Variants in CDKL1 observed in about 807,000 individuals in gnomAD.
CDKL1 encodes cyclin dependent kinase like 1.
Under a neutral mutation model 42.0 loss-of-function variants are expected in CDKL1, and 41 were observed. The ratio of observed to expected loss-of-function variants is 0.98; its 90% confidence interval spans 0.76 to 1.27. The LOEUF (loss-of-function observed/expected upper bound fraction) is 1.27, where lower values mean the gene tolerates loss of function less well. Among genes scored for constraint, CDKL1 ranks in the 50% most tolerant of loss-of-function variants. CDKL1 has a pLI of 0.00. For missense variants in CDKL1, 394 were observed against 428.4 expected, an observed-to-expected ratio of 0.92 and a Z score of 0.71; for synonymous variants, 153 against 158.6, an observed-to-expected ratio of 0.96 and a Z score of 0.26.
At chr14:50,330,764 T>C (rs953669841) in intron 9 of CDKL1, 2 of 152,440 alleles carry the variant, frequency 1.3e-5, no homozygotes, top group East Asian at 1.9e-4. Flanking sequence ...GAATTTATTG[T>C]CAATGTCAAA....
At chr14:50,362,177 C>A (rs1422026215) in intron 2 of CDKL1, 13 of 262,066 alleles carry the variant, frequency 5.0e-5, no homozygotes, top group Non-Finnish European at 6.8e-5. Flanking sequence ...CCCACCCCCC[C>A]ACCCCCACCG....
chr14:50,381,010 C>T (rs936630907), intron 2 of CDKL1, among the ~76,000 whole-genome samples: 9 of 152,244 alleles, frequency 5.9e-5, no homozygotes, highest in African/African-American at 2.2e-4. Context: ...GTATCCCCTA[C>T]CATTTAAAAA....
intron 2 of CDKL1, among the ~76,000 whole-genome samples, chr14:50,369,692 C>T (rs2034536849): frequency 6.6e-6 from 1 of 151,818 alleles, no homozygotes. Context: ...GATCTCAGCT[C>T]ACTGCAATCT....
intron 2 of CDKL1, among the ~76,000 whole-genome samples, chr14:50,392,234 T>A (rs2035278108): frequency 6.6e-6 from 1 of 152,064 alleles, no homozygotes; most frequent in Non-Finnish European, 1.5e-5. Context: ...TCATTTGAGG[T>A]CAGGAGTTTG....
intron 2 of CDKL1, among the ~76,000 whole-genome samples, chr14:50,387,316 G>A (rs1420490134): frequency 2.6e-5 from 4 of 152,194 alleles, no homozygotes; most frequent in Admixed American, 2.6e-4. Context: ...GAAGTCAGGA[G>A]TTCACAACCA....
chr14:50,335,740 G>C lies in CDKL1; in HGVS notation c.739-1119C>G, dbSNP rs11570851. Reference sequence around the variant, plus strand: ...GTGGCAGTGTGTGAGCTGCCGACTGGAGTGACTGGCCAGGCTCATCTAATC... The same window carrying C: ...GTGGCAGTGTGTGAGCTGCCGACTGCAGTGACTGGCCAGGCTCATCTAATC... On this transcript the variant is annotated intron_variant, in intron 7 of 9. Coordinates refer to ENST00000395834, the MANE Select transcript of CDKL1 (RefSeq NM_004196.7). The C allele has an allele frequency of 1.5e-3, 1,487 of 985,254 alleles. 22 individuals are homozygous for C. The African/African-American group carries it at 0.023, about 15-fold the overall frequency. The allele number at this position is 985,254 out of a possible 1,614,324, so 61.0% of individuals were successfully genotyped here.
At chr14:50,384,180 A>G (rs959819143) in intron 2 of CDKL1, among the ~76,000 whole-genome samples, 3 of 152,156 alleles carry the variant, frequency 2.0e-5, no homozygotes, top group Non-Finnish European at 2.9e-5. Context: ...CCCAGCATCT[A>G]TCTATACATT....
At chr14:50,395,146 A>C (rs1356737711) in intron 2 of CDKL1, among the ~76,000 whole-genome samples, 1 of 152,254 alleles carries the variant, frequency 6.6e-6, no homozygotes, top group African/African-American at 2.4e-5. Context: ...TAATAGACTG[A>C]GTATACCAAT....
At chr14:50,344,625 G>A (rs539239880) in intron 4 of CDKL1, among the ~76,000 whole-genome samples, 4 of 151,492 alleles carry the variant, frequency 2.6e-5, no homozygotes, top group African/African-American at 7.3e-5. Context: ...ACACACCACC[G>A]CACCCAGTTC....
In CDKL1 at chr14:50,342,871, G is replaced by A. The variant is rs773131913; in HGVS notation, c.364-649C>T. The A allele has an allele frequency of 2.3e-5, 29 of 1,267,136 alleles. No homozygotes were observed. The South Asian group carries it at 2.7e-4, about 12-fold the overall frequency. 78.5% of individuals were successfully genotyped at this position (1,267,136 alleles called of 1,614,324 possible). On this transcript the variant is annotated intron_variant, in intron 4 of 9. Transcript: ENST00000395834. The stretch of plus-strand genomic sequence containing the variant: ...TCCCTTCCAGCTCTGACATTCATCC[G>A]GACAAGATAAACAAGAGTAGGCAGC...
chr14:50,350,390 T>G (rs186898548), intron 3 of CDKL1, among the ~76,000 whole-genome samples: 121 of 152,300 alleles, frequency 7.9e-4, no homozygotes, highest in African/African-American at 2.8e-3. Flanking sequence ...CATTCTTTAC[T>G]CCCTTTAATA....
In CDKL1 at chr14:50,331,832, C is replaced by T. The variant is rs2032959322; in HGVS notation, c.966+430G>A. The T allele has an allele frequency of 6.6e-5, 40 of 602,330 alleles. 1 individual carries two copies. The South Asian group carries it at 8.6e-4, about 13-fold the overall frequency. 37.3% of individuals were successfully genotyped at this position (602,330 alleles called of 1,614,324 possible). On this transcript the variant is annotated intron_variant, in intron 9 of 9. Transcript: ENST00000395834. Reference sequence around the variant, plus strand: ...TCATCACTGTATTTGCCCTAGCCAACTCTGACAAAGGATCAGGGAGGAAAA... The same window carrying T: ...TCATCACTGTATTTGCCCTAGCCAATTCTGACAAAGGATCAGGGAGGAAAA...
chr14:50,358,483 C>CA (rs1440914284), intron 3 of CDKL1, among the ~76,000 whole-genome samples: 1 of 151,078 alleles, frequency 6.6e-6, no homozygotes, highest in Non-Finnish European at 1.5e-5. Context: ...GATAAAGTAC[C>CA]AAAGAAATCA....
intron 2 of CDKL1, among the ~76,000 whole-genome samples, chr14:50,360,188 T>G (rs2034195002): frequency 6.6e-6 from 1 of 152,200 alleles, no homozygotes; most frequent in South Asian, 2.1e-4. Flanking sequence ...TCCGCCCTGA[T>G]TTTTAGAACT....
intron 2 of CDKL1, chr14:50,378,166 G>A: frequency 7.3e-7 from 1 of 1,365,980 alleles, no homozygotes; most frequent in South Asian, 1.1e-5. Context: ...TAGGTTAGCT[G>A]CTTCCTTTAC....
intron 3 of CDKL1, among the ~76,000 whole-genome samples, chr14:50,349,018 AT>A (rs1250231092): frequency 1.3e-5 from 2 of 152,088 alleles, no homozygotes; most frequent in African/African-American, 2.4e-5. Context: ...CAATTCAAAA[AT>A]TTTTTTCTGA....
At chr14:50,359,180 T>C (rs2034161236) in intron 2 of CDKL1, 31 bp from the exon 3 acceptor site, 2 of 1,588,470 alleles carry the variant, frequency 1.3e-6, no homozygotes, top group Non-Finnish European at 1.7e-6. Context: ...GTTACTAAAT[T>C]TGACTTGTGA....
chr14:50,342,916 G>T, intron 4 of CDKL1: 1 of 1,340,560 alleles, frequency 7.5e-7, no homozygotes, highest in Non-Finnish European at 9.9e-7. Flanking sequence ...CCTCTGGGGA[G>T]AGTCGCTAGA....
At chr14:50,341,279 A>G in intron 5 of CDKL1, 47 bp from the exon 6 acceptor site, 1 of 1,547,280 alleles carries the variant, frequency 6.5e-7, no homozygotes, top group Admixed American at 1.9e-5. Flanking sequence ...GGAAGGCTGG[A>G]ATCAAAACTG....
Sources: gnomAD v4.1 joint callset for allele counts (sites outside exome capture counted in the v4.1 genomes callset) on GRCh38, gnomAD v4.1.1 for gene constraint, MANE v1.5 for transcripts, NCBI Gene and HGNC (gene_info 2026-07-23, HGNC 2026-07-21) for gene names.